Variants in APBB2 observed in about 807,000 individuals in gnomAD.
The protein encoded by APBB2 is amyloid beta precursor protein binding family B member 2.
In APBB2, 38 loss-of-function variants were observed where a neutral mutation model predicts 82.5. The ratio of observed to expected loss-of-function variants is 0.46; its 90% CI spans 0.36 to 0.60. The LOEUF is 0.60. Among genes scored for constraint, APBB2 ranks in the 20% least tolerant of loss-of-function variants. The probability of loss-of-function intolerance (pLI) is 0.00; values close to 1 mark genes in which losing one functional copy is unlikely to be tolerated. For synonymous variants in APBB2, 341 were observed against 368.2 expected (o/e 0.93, Z 0.85); for missense variants, 772 against 972.3 (o/e 0.79, Z 2.74).
chr4:40,889,459 T>A (rs1326170410), intron 12 of APBB2, among the ~76,000 whole-genome samples: 1 of 152,234 alleles, frequency 6.6e-6, no homozygotes, highest in African/African-American at 2.4e-5. Context: ...GAGCCGCCTC[T>A]CTGTTGTCGG....
intron 2 of APBB2, among the ~76,000 whole-genome samples, chr4:41,104,737 C>T (rs533757665): frequency 5.3e-5 from 8 of 152,128 alleles, no homozygotes; most frequent in Non-Finnish European, 7.3e-5. Context: ...CACTTACAAG[C>T]GAGAATGTGT....
intron 7 of APBB2, among the ~76,000 whole-genome samples, chr4:40,940,329 G>C (rs186842307): frequency 6.6e-6 from 1 of 152,312 alleles, no homozygotes; most frequent in East Asian, 1.9e-4. Flanking sequence ...TACTTACTCA[G>C]CGTAAATCAC....
At chr4:41,070,329 G>T (rs1411987639) in intron 3 of APBB2, among the ~76,000 whole-genome samples, 1 of 151,928 alleles carries the variant, frequency 6.6e-6, no homozygotes, top group Non-Finnish European at 1.5e-5. Context: ...TATTTTTTGA[G>T]ACAGAGTTTC....
chr4:40,846,281 G>T (rs992629548), intron 12 of APBB2, among the ~76,000 whole-genome samples: 1 of 146,266 alleles, frequency 6.8e-6, no homozygotes, highest in Non-Finnish European at 1.5e-5. Flanking sequence ...AGAAAGGAAA[G>T]GTTCCTGACC....
intron 1 of APBB2, among the ~76,000 whole-genome samples, chr4:41,168,308 G>A (rs889495378): frequency 6.6e-6 from 1 of 151,442 alleles, no homozygotes; most frequent in Non-Finnish European, 1.5e-5. Flanking sequence ...AAAAGAAAAA[G>A]AAATATTGAC....
At chr4:41,186,840 C>T (rs1330694954) in intron 1 of APBB2, among the ~76,000 whole-genome samples, 2 of 152,164 alleles carry the variant, frequency 1.3e-5, no homozygotes, top group East Asian at 3.9e-4. Context: ...TGCTCAATGC[C>T]ATACAACTAG....
At chr4:41,071,510 A>G (rs1733874420) in intron 3 of APBB2, among the ~76,000 whole-genome samples, 1 of 151,944 alleles carries the variant, frequency 6.6e-6, no homozygotes, top group Non-Finnish European at 1.5e-5. Flanking sequence ...GCGAAACCCC[A>G]TCTCTACTAA....
intron 6 of APBB2, among the ~76,000 whole-genome samples, chr4:40,975,332 T>C (rs1416029002): frequency 6.6e-6 from 1 of 152,146 alleles, no homozygotes; most frequent in Non-Finnish European, 1.5e-5. Context: ...GAATCTATCT[T>C]TGGTTTCTCA....
At chr4:40,968,661 T>G (rs962472134) in intron 6 of APBB2, among the ~76,000 whole-genome samples, 14 of 152,210 alleles carry the variant, frequency 9.2e-5, no homozygotes, top group African/African-American at 3.1e-4. Flanking sequence ...CTTACATATC[T>G]GTATCCCTGT....
intron 12 of APBB2, among the ~76,000 whole-genome samples, chr4:40,867,865 T>A (rs201763315): frequency 7.2e-5 from 1 of 13,978 alleles, no homozygotes; most frequent in South Asian, 1.1e-3. Flanking sequence ...TTTCTGGGGC[T>A]TTTTTTTTTT....
intron 10 of APBB2, among the ~76,000 whole-genome samples, chr4:40,894,555 C>T (rs188673884): frequency 4.6e-5 from 7 of 152,320 alleles, no homozygotes; most frequent in South Asian, 2.1e-4. Context: ...AAAGTATCCA[C>T]TCATGATAAC....
At chr4:40,872,431 G>A (rs1344167152) in intron 12 of APBB2, among the ~76,000 whole-genome samples, 1 of 152,190 alleles carries the variant, frequency 6.6e-6, no homozygotes, top group Non-Finnish European at 1.5e-5. Flanking sequence ...CATAGGGCTT[G>A]ACGGTCATGT....
At chr4:41,009,879 TTTA>T (rs1329213062) in intron 6 of APBB2, among the ~76,000 whole-genome samples, 1 of 152,234 alleles carries the variant, frequency 6.6e-6, no homozygotes, top group East Asian at 1.9e-4. Context: ...AAACACTAAC[TTTA>T]TCATTACAAG....
chr4:40,876,809 G>T (rs1182100821), intron 12 of APBB2, among the ~76,000 whole-genome samples: 1 of 152,178 alleles, frequency 6.6e-6, no homozygotes, highest in African/African-American at 2.4e-5. Context: ...TGCAGATATA[G>T]AGGGCCGACT....
At chr4:41,125,570 G>T (rs1270135984) in intron 2 of APBB2, among the ~76,000 whole-genome samples, 1 of 152,094 alleles carries the variant, frequency 6.6e-6, no homozygotes, top group Non-Finnish European at 1.5e-5. Context: ...ATTAATCACA[G>T]ACTCCACTTG....
intron 2 of APBB2, among the ~76,000 whole-genome samples, chr4:41,104,534 T>C (rs1746505466): frequency 6.6e-6 from 1 of 152,200 alleles, no homozygotes; most frequent in Admixed American, 6.5e-5. Flanking sequence ...GTTTGTTATC[T>C]GGATAAATTG....
intron 12 of APBB2, among the ~76,000 whole-genome samples, chr4:40,866,737 A>G (rs1764123114): frequency 2.0e-5 from 3 of 151,972 alleles, no homozygotes; most frequent in Admixed American, 2.0e-4. Context: ...TTTATTTTTG[A>G]GACAGAGTCT....
At chr4:41,048,247 T>C (rs1255071257) in intron 4 of APBB2, among the ~76,000 whole-genome samples, 3 of 152,206 alleles carry the variant, frequency 2.0e-5, no homozygotes, top group African/African-American at 4.8e-5. Context: ...TTTTGGAGCA[T>C]TTCAGATTTT....
intron 5 of APBB2, among the ~76,000 whole-genome samples, chr4:41,030,828 G>C (rs577576446): frequency 4.5e-4 from 69 of 152,232 alleles, no homozygotes; most frequent in African/African-American, 1.5e-3. Context: ...CCTTAAAATA[G>C]GGTAATTACT....
Sources: gnomAD v4.1 joint callset for allele counts (sites outside exome capture counted in the v4.1 genomes callset) on GRCh38, gnomAD v4.1.1 for gene constraint, MANE v1.5 for transcripts, NCBI Gene and HGNC (gene_info 2026-07-23, HGNC 2026-07-21) for gene names.